TAFA1: variants seen among roughly 807,000 people sequenced by gnomAD.
TAFA1 encodes the protein chemokine-like protein TAFA-1.
Under a neutral mutation model 18.5 loss-of-function variants are expected in TAFA1, and 4 were observed. The observed-to-expected ratio is 0.22, with a 90% CI of 0.11 to 0.49. The LOEUF (loss-of-function observed/expected upper bound fraction) is 0.49, where lower values mean the gene tolerates loss of function less well. TAFA1 is among the 20% of genes least tolerant of loss of function. The pLI, the probability that TAFA1 is intolerant of heterozygous loss-of-function variation, is 0.98. For missense variants in TAFA1, 147 were observed against 169.0 expected, an observed-to-expected ratio of 0.87 and a Z score of 0.72; for synonymous variants, 56 against 55.2, an observed-to-expected ratio of 1.01 and a Z score of -0.06.
intron 2 of TAFA1, among the ~76,000 whole-genome samples, chr3:68,059,586 T>C (rs1575595711): frequency 6.6e-6 from 1 of 152,062 alleles, no homozygotes; most frequent in Non-Finnish European, 1.5e-5. Flanking sequence ...AGAGTGCAGA[T>C]GCAGGTAAGG....
chr3:68,267,198 A>G (rs139095770), intron 2 of TAFA1, among the ~76,000 whole-genome samples: 75 of 152,268 alleles, frequency 4.9e-4, no homozygotes, highest in Non-Finnish European at 7.4e-4. Context: ...ATCATTCCAC[A>G]CTGTGGACAT....
intron 2 of TAFA1, among the ~76,000 whole-genome samples, chr3:68,403,611 A>C (rs184213643): frequency 2.0e-3 from 308 of 152,350 alleles, no homozygotes; most frequent in Non-Finnish European, 3.5e-3. Context: ...TTCCATAAAT[A>C]TTATTGACAT....
intron 2 of TAFA1, among the ~76,000 whole-genome samples, chr3:68,085,942 A>G (rs149648388): frequency 6.6e-6 from 1 of 152,306 alleles, no homozygotes; most frequent in African/African-American, 2.4e-5. Flanking sequence ...ACAGGTCTGG[A>G]TCTTTATTGC....
At chr3:68,179,105 C>A (rs1490752774) in intron 2 of TAFA1, among the ~76,000 whole-genome samples, 1 of 152,190 alleles carries the variant, frequency 6.6e-6, no homozygotes, top group Non-Finnish European at 1.5e-5. Context: ...CCACTCAAGA[C>A]TACATAATTG....
intron 2 of TAFA1, among the ~76,000 whole-genome samples, chr3:68,234,947 T>C (rs1470388050): frequency 1.3e-5 from 2 of 152,134 alleles, no homozygotes; most frequent in Non-Finnish European, 2.9e-5. Context: ...CTTGAATGAA[T>C]TAGTGAGGAG....
intron 3 of TAFA1, among the ~76,000 whole-genome samples, chr3:68,523,620 C>A (rs1339512894): frequency 1.3e-5 from 2 of 152,036 alleles, no homozygotes; most frequent in South Asian, 2.1e-4. Context: ...AATAAAATAT[C>A]CCCCAAAATA....
At chr3:68,299,037 T>A (rs1473985606) in intron 2 of TAFA1, among the ~76,000 whole-genome samples, 1 of 152,094 alleles carries the variant, frequency 6.6e-6, no homozygotes, top group Non-Finnish European at 1.5e-5. Context: ...TCCTAGAGTT[T>A]GTTGAATGGT....
chr3:68,153,453 G>C (rs1254655586), intron 2 of TAFA1, among the ~76,000 whole-genome samples: 5 of 152,112 alleles, frequency 3.3e-5, no homozygotes, highest in Non-Finnish European at 7.4e-5. Context: ...GAAAGAATAG[G>C]AATTTTGCTG....
intron 3 of TAFA1, among the ~76,000 whole-genome samples, chr3:68,486,255 G>A (rs1417788685): frequency 1.3e-5 from 2 of 151,670 alleles, no homozygotes; most frequent in Non-Finnish European, 2.9e-5. Context: ...CCACCAGCCC[G>A]ATAAATTCTT....
intron 3 of TAFA1, among the ~76,000 whole-genome samples, chr3:68,424,826 C>T (rs1575854714): frequency 6.6e-6 from 1 of 152,098 alleles, no homozygotes; most frequent in East Asian, 1.9e-4. Context: ...CACAATATTT[C>T]CCAAACTTTT....
intron 2 of TAFA1, among the ~76,000 whole-genome samples, chr3:68,131,449 AG>A (rs1166346290): frequency 2.6e-5 from 4 of 152,160 alleles, no homozygotes; most frequent in Non-Finnish European, 5.9e-5. Context: ...ATTACCTTCA[AG>A]TATTACCCTT....
intron 3 of TAFA1, among the ~76,000 whole-genome samples, chr3:68,497,244 T>C (rs1302041494): frequency 6.6e-6 from 1 of 152,192 alleles, no homozygotes; most frequent in African/African-American, 2.4e-5. Context: ...AACCCAACTT[T>C]AATTCTTTAA....
At chr3:68,102,890 C>A (rs1374635307) in intron 2 of TAFA1, among the ~76,000 whole-genome samples, 1 of 152,204 alleles carries the variant, frequency 6.6e-6, no homozygotes, top group Non-Finnish European at 1.5e-5. Context: ...GGGCCAAGGG[C>A]TGTGTCCATC....
chr3:68,139,339 A>C (rs541019830), intron 2 of TAFA1, among the ~76,000 whole-genome samples: 1 of 152,282 alleles, frequency 6.6e-6, no homozygotes, highest in Non-Finnish European at 1.5e-5. Context: ...CTGTTTCAAT[A>C]ATATGTAGGA....
intron 2 of TAFA1, among the ~76,000 whole-genome samples, chr3:68,356,117 G>A (rs902510471): frequency 2.0e-5 from 3 of 151,820 alleles, no homozygotes; most frequent in African/African-American, 4.8e-5. Context: ...CACCACAATA[G>A]AAAGTTCTGC....
At chr3:68,330,024 A>G (rs1471106924) in intron 2 of TAFA1, among the ~76,000 whole-genome samples, 1 of 152,180 alleles carries the variant, frequency 6.6e-6, no homozygotes, top group African/African-American at 2.4e-5. Flanking sequence ...TGTGTGTCCA[A>G]TTGCAGGGAT....
At chr3:68,290,189 G>C (rs557927721) in intron 2 of TAFA1, among the ~76,000 whole-genome samples, 33 of 152,162 alleles carry the variant, frequency 2.2e-4, no homozygotes, top group African/African-American at 7.7e-4. Context: ...TACTTCTTTA[G>C]CTTTAGTTAA....
chr3:68,528,808 G>A (rs979138058), intron 3 of TAFA1, among the ~76,000 whole-genome samples: 5 of 152,092 alleles, frequency 3.3e-5, no homozygotes, highest in Non-Finnish European at 5.9e-5. Context: ...TTGGCATATC[G>A]AAGAATAATG....
At position 68,192,700 on chromosome 3, in the gene TAFA1, A is replaced by G. The variant is rs1055716318; in HGVS notation, c.118+185956A>G. The stretch of plus-strand genomic sequence containing the variant: ...ACATCCTGCAATTTCTTTATGTTAA[A>G]TCATTAGTATTAAAAAATAAAATAA... On this transcript the variant is annotated intron_variant, in intron 2 of 4. Coordinates refer to ENST00000478136, the MANE Select transcript of TAFA1 (RefSeq NM_213609.4). The G allele has an allele frequency of 1.4e-4, 15 of 105,758 alleles. No homozygotes were observed. The Admixed American group carries it at 1.4e-3, about 10-fold the overall frequency. 6.6% of individuals were successfully genotyped at this position (105,758 alleles called of 1,614,324 possible).
Sources: allele counts gnomAD v4.1 joint callset (sites outside exome capture counted in the v4.1 genomes callset), GRCh38; gene constraint gnomAD v4.1.1; transcripts MANE v1.5; gene names NCBI Gene and HGNC (gene_info 2026-07-23, HGNC 2026-07-21).